STK35: variants seen among roughly 807,000 people sequenced by gnomAD.
STK35 encodes serine/threonine-protein kinase 35.
STK35 carries 17 observed loss-of-function variants against 37.3 expected under a neutral mutation model. The observed-to-expected ratio is 0.46, with a 90% confidence interval of 0.31 to 0.68. The LOEUF (loss-of-function observed/expected upper bound fraction) is 0.68, where lower values mean the gene tolerates loss of function less well. Among genes scored for constraint, STK35 ranks in the 30% least tolerant of loss-of-function variants. The pLI is 0.05. For synonymous variants in STK35, 385 were observed against 319.1 expected (o/e 1.21, Z -2.20); for missense variants, 595 against 746.7 (o/e 0.80, Z 2.37).
At chr20:2,114,149 A>G (rs1227331166) in intron 2 of STK35, among the ~76,000 whole-genome samples, 4 of 152,096 alleles carry the variant, frequency 2.6e-5, no homozygotes, top group South Asian at 2.1e-4. Flanking sequence ...GTAAAGGACT[A>G]GAATTCTGAC....
chr20:2,114,817 T>TC (rs1486781571), intron 2 of STK35, among the ~76,000 whole-genome samples: 1 of 152,192 alleles, frequency 6.6e-6, no homozygotes, highest in Non-Finnish European at 1.5e-5. Context: ...CTTCCTTTAT[T>TC]CCCCCACCAG....
At chr20:2,104,791 T>TA (rs770407216) in intron 2 of STK35, among the ~76,000 whole-genome samples, 5 of 152,180 alleles carry the variant, frequency 3.3e-5, no homozygotes, top group African/African-American at 4.8e-5. Context: ...TCTAACTTTA[T>TA]AAAGTCCATC....
At chr20:2,129,593 C>T (rs1985964359) in intron 3 of STK35, among the ~76,000 whole-genome samples, 1 of 152,066 alleles carries the variant, frequency 6.6e-6, no homozygotes, top group African/African-American at 2.4e-5. Flanking sequence ...GTGGGTGCCT[C>T]TATTAATAAC....
At chr20:2,110,586 T>C (rs1473218994) in intron 2 of STK35, among the ~76,000 whole-genome samples, 1 of 152,180 alleles carries the variant, frequency 6.6e-6, no homozygotes, top group Non-Finnish European at 1.5e-5. Context: ...GGAGGCTTGT[T>C]TGTTTTGTGT....
intron 3 of STK35, among the ~76,000 whole-genome samples, chr20:2,120,838 G>A (rs1312284562): frequency 6.6e-6 from 1 of 152,150 alleles, no homozygotes; most frequent in Admixed American, 6.5e-5. Flanking sequence ...CTCGGTGCTG[G>A]GTGCGGTGAG....
intron 2 of STK35, among the ~76,000 whole-genome samples, chr20:2,112,079 A>G (rs1454704888): frequency 6.6e-6 from 1 of 152,260 alleles, no homozygotes; most frequent in Admixed American, 6.5e-5. Context: ...TCTCAAGAGC[A>G]ATGTGTGCTC....
intron 1 of STK35, 48 bp from the exon 2 acceptor site, chr20:2,102,720 G>A (rs1172010874): frequency 4.4e-6 from 6 of 1,358,414 alleles, no homozygotes; most frequent in African/African-American, 1.5e-5. Flanking sequence ...CTACGCTCCT[G>A]GCCTCCCCGC....
chr20:2,124,678 T>C (rs1240547321), intron 3 of STK35, among the ~76,000 whole-genome samples: 1 of 152,176 alleles, frequency 6.6e-6, no homozygotes, highest in African/African-American at 2.4e-5. Flanking sequence ...GTGGGGGTTA[T>C]GAGTGAAGAG....
intron 2 of STK35, among the ~76,000 whole-genome samples, chr20:2,105,985 A>G (rs1349276033): frequency 5.9e-5 from 9 of 152,174 alleles, no homozygotes; most frequent in Admixed American, 4.6e-4. Flanking sequence ...TTGAACCTCT[A>G]CGGTGTTCAG....
intron 2 of STK35, among the ~76,000 whole-genome samples, chr20:2,115,042 G>A (rs377007089): frequency 5.8e-4 from 88 of 152,234 alleles, no homozygotes; most frequent in African/African-American, 2.0e-3. Flanking sequence ...ATTATGAGAG[G>A]GGAAATAACT....
chr20:2,131,206 A>ATGTTGCT (rs779078581), intron 3 of STK35, among the ~76,000 whole-genome samples: 2 of 152,216 alleles, frequency 1.3e-5, no homozygotes, highest in South Asian at 2.1e-4. Context: ...TAGACTGCAA[A>ATGTTGCT]CCTGTACAGC....
intron 3 of STK35, among the ~76,000 whole-genome samples, chr20:2,141,123 C>T (rs576304656): frequency 6.6e-6 from 1 of 152,248 alleles, no homozygotes; most frequent in East Asian, 1.9e-4. Flanking sequence ...CCCTAAATAC[C>T]CTCTTCCCCC....
chr20:2,131,367 A>T (rs1417700703), intron 3 of STK35, among the ~76,000 whole-genome samples: 1 of 152,154 alleles, frequency 6.6e-6, no homozygotes, highest in African/African-American at 2.4e-5. Context: ...TATTCCCAAC[A>T]CTTTGGGAGG....
intron 2 of STK35, among the ~76,000 whole-genome samples, chr20:2,104,958 G>A (rs370309696): frequency 2.6e-4 from 39 of 151,876 alleles, no homozygotes; most frequent in African/African-American, 9.0e-4. Flanking sequence ...TTTGGGAACA[G>A]CCTGGGCAAC....
intron 3 of STK35, among the ~76,000 whole-genome samples, chr20:2,130,102 AGAG>A (rs1985973420): frequency 6.6e-6 from 1 of 152,214 alleles, no homozygotes; most frequent in Admixed American, 6.5e-5. Flanking sequence ...TGGTGGGAAC[AGAG>A]CCATGTAAGA....
chr20:2,108,120 AC>A (rs1985550883), intron 2 of STK35, among the ~76,000 whole-genome samples: 1 of 152,246 alleles, frequency 6.6e-6, no homozygotes, highest in African/African-American at 2.4e-5. Context: ...TGCTTTCTTA[AC>A]TGCTGTGGGG....
chr20:2,115,692 G>A (rs182414993), intron 2 of STK35, among the ~76,000 whole-genome samples: 1 of 152,306 alleles, frequency 6.6e-6, no homozygotes, highest in African/African-American at 2.4e-5. Context: ...ATTTAAATCT[G>A]TCTTGTACAT....
In STK35 at chr20:2,143,926, T is replaced by C. The variant is rs1040329428; in HGVS notation, c.*180T>C. On this transcript the variant is annotated 3_prime_UTR_variant, in exon 4 of 4. Transcript: ENST00000381482. ...TTTGTTTGGGTTTCCCCGCTTCTTTTTAGTTTTGCTTTATTTTTTTCCTTT... is the reference window on the plus strand; with the variant it reads ...TTTGTTTGGGTTTCCCCGCTTCTTTCTAGTTTTGCTTTATTTTTTTCCTTT... 4.6e-6 allele frequency: 2 copies of C among 432,598 alleles called. No individual in the cohort carries two copies. Among genetic ancestry groups the C allele is most frequent in the Non-Finnish European group, 9.0e-6 (2 of 221,002 alleles). 26.8% of individuals were successfully genotyped at this position (432,598 alleles called of 1,614,324 possible).
chr20:2,110,564 T>G (rs1400127986), intron 2 of STK35, among the ~76,000 whole-genome samples: 1 of 152,218 alleles, frequency 6.6e-6, no homozygotes, highest in Non-Finnish European at 1.5e-5. Flanking sequence ...TGTGTGTTTT[T>G]TTGTTGGGTG....
Sources: gnomAD v4.1 joint callset for allele counts (sites outside exome capture counted in the v4.1 genomes callset) on GRCh38, gnomAD v4.1.1 for gene constraint, MANE v1.5 for transcripts, NCBI Gene and HGNC (gene_info 2026-07-23, HGNC 2026-07-21) for gene names.